The following AARS1 variants were observed in gnomAD, a reference collection of about 807,000 sequenced individuals.
AARS1 encodes alanine--tRNA ligase, cytoplasmic.
In AARS1, 72 loss-of-function variants were observed where a neutral mutation model predicts 108.9. The ratio of observed to expected loss-of-function variants is 0.66; its 90% confidence interval spans 0.55 to 0.80. AARS1 has a LOEUF of 0.80. Among genes scored for constraint, AARS1 ranks in the 30% least tolerant of loss-of-function variants. AARS1 has a pLI of 0.00. For synonymous variants in AARS1, 489 were observed against 465.7 expected, an observed-to-expected ratio of 1.05 and a Z score of -0.64; for missense variants, 1,193 against 1,233.2, an observed-to-expected ratio of 0.97 and a Z score of 0.49.
chr16:70,252,894 G>A lies in AARS1; in HGVS notation c.2734C>T (p.Arg912Trp), dbSNP rs1179687586. ...LCQVPQNAANRGLKASEWVQQ... is the reference protein window; with the variant it reads ...LCQVPQNAANWGLKASEWVQQ... ...ACCCACTCGCTGGCTTTTAAGCCCC[G>A]ATTGGCTGCATTCTAGAAGACAGGA... The change falls in exon 21 of 21, where the codon CGG becomes TGG. Residue 912 changes from arginine to tryptophan, a missense_variant. Coordinates refer to ENST00000261772, the MANE Select transcript of AARS1 (RefSeq NM_001605.3). 10 of 1,614,064 alleles carry A rather than the reference G, an allele frequency of 6.2e-6. No homozygotes were observed. The highest frequency in any genetic ancestry group is 4.0e-5 in the African/African-American group (3 of 74,946).
chr16:70,275,946 A>G (rs1960537987), intron 4 of AARS1: 1 of 148,610 alleles, frequency 6.7e-6, no homozygotes, highest in African/African-American at 2.5e-5. Context: ...CAAAAAAAAA[A>G]AAAAAAAAAA....
At chr16:70,258,926 GGACA>G (rs1259507988) in intron 14 of AARS1, 50 bp downstream of exon 14, 12 of 1,551,776 alleles carry the variant, frequency 7.7e-6, no homozygotes, top group African/African-American at 4.1e-5. Flanking sequence ...CTAAGACTGT[GGACA>G]GACAGTGACG....
Position 70,262,462 on chromosome 16 carries a change from C to A in AARS1, c.1555G>T (p.Val519Leu), listed in dbSNP as rs1480584384. Residue 519 changes from valine to leucine, a missense_variant, in exon 12 of 21, where the codon GTG becomes TTG. Coordinates refer to ENST00000261772, the MANE Select transcript of AARS1 (RefSeq NM_001605.3). The part of the protein sequence containing the change: ...LRREKMFVEE[V>L]STGQECGVVL... ...ACTCCACACTCCTGGCCTGTGGACA[C>A]CTCTTCCACGAACATCTTCTCCCTG... 2.5e-6 allele frequency: 4 copies of A among 1,614,198 alleles called. No homozygotes were observed. The highest frequency in any genetic ancestry group is 3.4e-6 in the Non-Finnish European group (4 of 1,180,046).
intron 9 of AARS1, among the ~76,000 whole-genome samples, chr16:70,266,105 A>G (rs1044583036): frequency 1.3e-5 from 2 of 152,118 alleles, no homozygotes; most frequent in Non-Finnish European, 2.9e-5. Flanking sequence ...GGAGGTCAGG[A>G]GATCGAGACC....
chr16:70,256,383 C>A (rs529047446), intron 15 of AARS1, among the ~76,000 whole-genome samples: 31 of 152,280 alleles, frequency 2.0e-4, no homozygotes, highest in African/African-American at 6.5e-4. Context: ...TGGCTCACCA[C>A]AACCTCTGCC....
At chr16:70,263,247 T>G (rs1344434890) in intron 11 of AARS1, among the ~76,000 whole-genome samples, 1 of 151,980 alleles carries the variant, frequency 6.6e-6, no homozygotes, top group Admixed American at 6.6e-5. Context: ...ATGTACTCAT[T>G]TTGTAGGCTT....
intron 14 of AARS1, 144 bp from the exon 15 acceptor site, chr16:70,258,361 C>T (rs1170764267): frequency 1.7e-5 from 14 of 815,362 alleles, no homozygotes; most frequent in East Asian, 1.1e-4. Context: ...CTCAATCACA[C>T]GCCACGTGCA....
At chr16:70,281,654 ACT>A (rs1567612195) in intron 2 of AARS1, among the ~76,000 whole-genome samples, 1 of 152,146 alleles carries the variant, frequency 6.6e-6, no homozygotes, top group African/African-American at 2.4e-5. Flanking sequence ...CGACAGCGAG[ACT>A]CTGTCTCAAA....
At chr16:70,256,453 G>A (rs1040631878) in intron 15 of AARS1, among the ~76,000 whole-genome samples, 3 of 151,954 alleles carry the variant, frequency 2.0e-5, no homozygotes, top group Admixed American at 6.6e-5. Flanking sequence ...ACAGGTGCCC[G>A]CCACCACTCC....
intron 20 of AARS1, 128 bp downstream of exon 20, chr16:70,253,140 A>AC: frequency 2.2e-6 from 2 of 898,830 alleles, no homozygotes; most frequent in Non-Finnish European, 3.6e-6. Flanking sequence ...AGGCCTGGGT[A>AC]AGGGGTACTG....
chr16:70,288,563 CTCT>C (rs1567615018), intron 1 of AARS1, among the ~76,000 whole-genome samples: 1 of 127,862 alleles, frequency 7.8e-6, no homozygotes, highest in East Asian at 2.6e-4. Context: ...CTGTTCTGGG[CTCT>C]TTTTTTTTTT....
Position 70,287,725 on chromosome 16 carries a change from A to G in AARS1, c.-22+1696T>C, listed in dbSNP as rs947874370. ...ACCAAAACATTCCAGCCTAGGTAAC[A>G]GGGTGAGACCCTGACTCAAACAACA... On this transcript the variant is annotated intron_variant, in intron 1 of 20. Coordinates refer to ENST00000261772, the MANE Select transcript of AARS1 (RefSeq NM_001605.3). Among the ~76,000 whole-genome samples the G allele has an allele frequency of 2.6e-5, 4 of 152,252 alleles. No individual in the cohort carries two copies. The East Asian group carries it at 5.8e-4, about 22-fold the overall frequency.
chr16:70,259,717 C>G (rs1469288427), intron 13 of AARS1, among the ~76,000 whole-genome samples: 3 of 151,918 alleles, frequency 2.0e-5, no homozygotes, highest in African/African-American at 7.3e-5. Flanking sequence ...AACTCTTGGC[C>G]TCAAGCAATC....
chr16:70,258,491 G>T (rs1402943142), intron 14 of AARS1, among the ~76,000 whole-genome samples: 1 of 152,166 alleles, frequency 6.6e-6, no homozygotes, highest in Non-Finnish European at 1.5e-5. Flanking sequence ...TGGGACAAAT[G>T]CCTCTCCCTC....
chr16:70,271,549 C>A (rs974462579), intron 5 of AARS1, among the ~76,000 whole-genome samples: 16 of 150,660 alleles, frequency 1.1e-4, no homozygotes, highest in Non-Finnish European at 1.9e-4. Flanking sequence ...AAAAAAAAAA[C>A]AGCAGCCCGA....
rs1959940950 is a variant in AARS1, at chr16:70,254,848, C to T, written c.2287-114G>A. 3 of 720,716 alleles carry T rather than the reference C, an allele frequency of 4.2e-6. No homozygotes were observed. In the South Asian group the frequency reaches 4.4e-5, roughly 11 times the overall value. 44.6% of individuals were successfully genotyped at this position (720,716 alleles called of 1,614,324 possible). A position where few individuals can be genotyped will look rare whatever the true frequency, so the allele number is the denominator to read the frequency against. On this transcript the variant is annotated intron_variant, in intron 16 of 20. Transcript: ENST00000261772. ...TAGGCCTTGCAGCAACATACCCCAACACCCCAAAAGTGTCTGTGGGGAGTA... is the reference window on the plus strand; with the variant it reads ...TAGGCCTTGCAGCAACATACCCCAATACCCCAAAAGTGTCTGTGGGGAGTA...
Position 70,268,368 on chromosome 16 carries a change from C to T in AARS1, c.974G>A (p.Arg325Lys). ...PDNTGRGYVL[R>K]RILRRAVRYA... ...TCGGACAGCTCGGCGGAGAATCCGT[C>T]TCAACACATATCTGTAAGAGGCAAA... Residue 325 changes from arginine to lysine, a missense_variant, in exon 8 of 21, where the codon AGA (arginine) becomes AAA (lysine). Arg to Lys is a conservative substitution (Grantham distance 26). Transcript: ENST00000261772. The T allele has an allele frequency of 1.9e-6, 3 of 1,614,130 alleles. No individual in the cohort carries two copies. The highest frequency in any genetic ancestry group is 2.2e-5 in the East Asian group (1 of 44,878).
intron 9 of AARS1, among the ~76,000 whole-genome samples, chr16:70,266,303 G>C (rs1474158721): frequency 6.6e-6 from 1 of 151,182 alleles, no homozygotes; most frequent in Non-Finnish European, 1.5e-5. Flanking sequence ...GACAGAGCAA[G>C]ACTCTGTCTC....
chr16:70,273,010 A>G (rs1446665092), intron 4 of AARS1, among the ~76,000 whole-genome samples: 1 of 152,096 alleles, frequency 6.6e-6, no homozygotes, highest in Non-Finnish European at 1.5e-5. Context: ...AGAGGATTTT[A>G]AAAACCAGCG....
Sources: gnomAD v4.1 joint callset for allele counts (sites outside exome capture counted in the v4.1 genomes callset) on GRCh38, gnomAD v4.1.1 for gene constraint, MANE v1.5 for transcripts, NCBI Gene and HGNC (gene_info 2026-07-23, HGNC 2026-07-21) for gene names.